BSPRY: variants seen among roughly 807,000 people sequenced by gnomAD.
BSPRY encodes the protein B-box and SPRY domain containing.
A neutral mutation model predicts 38.0 loss-of-function variants in BSPRY; 33 were observed. The observed-to-expected ratio is 0.87, with a 90% CI of 0.66 to 1.16. BSPRY has a LOEUF of 1.16. Ranked by LOEUF, BSPRY falls within the 50% of genes most tolerant of loss-of-function variation. BSPRY has a pLI of 0.00. For missense variants in BSPRY, 523 were observed against 533.2 expected (o/e 0.98, Z 0.19); for synonymous variants, 224 against 228.5 (o/e 0.98, Z 0.18).
At position 113,354,294 on chromosome 9, in the gene BSPRY, A is replaced by G. The variant is rs1416174342; in HGVS notation, c.256A>G (p.Lys86Glu). Residue 86 changes from lysine (K) to glutamate (E), a missense_variant, in exon 2 of 6, where the codon AAG becomes GAG. Physicochemically the swap from Lys to Glu is moderately conservative, Grantham distance 56. Transcript: ENST00000374183. ...RLQLQSAAITKYVADVLPGKN... is the reference protein window; with the variant it reads ...RLQLQSAAITEYVADVLPGKN... ...GCAGTTACAGAGTGCTGCCATCACC[A>G]AGTATGTGGCGGACGTCCTGCCGGG... 2.5e-6 allele frequency: 4 copies of G among 1,614,034 alleles called. No homozygotes were observed. In the African/African-American group the frequency reaches 4.0e-5, roughly 16 times the overall value.
chr9:113,360,766 C>A (rs1450211660), intron 3 of BSPRY, 29 bp downstream of exon 3: 5 of 1,519,512 alleles, frequency 3.3e-6, no homozygotes, highest in Non-Finnish European at 4.5e-6. Context: ...AGGGCATGAC[C>A]AGTTGGCCAG....
intron 4 of BSPRY, among the ~76,000 whole-genome samples, chr9:113,363,114 G>A (rs925727164): frequency 1.3e-5 from 2 of 151,914 alleles, no homozygotes; most frequent in Non-Finnish European, 2.9e-5. Flanking sequence ...ATGTGCATGA[G>A]AGAAAAAAAA....
At chr9:113,368,204 C>T in intron 4 of BSPRY, 55 bp from the exon 5 acceptor site, 2 of 1,599,368 alleles carry the variant, frequency 1.3e-6, no homozygotes, top group South Asian at 2.2e-5. Flanking sequence ...CATATTGATC[C>T]AGATATATTT....
At position 113,360,572 on chromosome 9, in the gene BSPRY, G is replaced by A; in HGVS notation, c.366G>A (p.Glu122=). Reference sequence around the variant, plus strand: ...TGAGTCTGGTGAGGAGTCTTTGCGAGAGCGAGGAGCAGCGGTTACTGGAAC... The same window carrying A: ...TGAGTCTGGTGAGGAGTCTTTGCGAAAGCGAGGAGCAGCGGTTACTGGAAC... ...QRLSLVRSLC[E]SEEQRLLEQV... The change falls in exon 3 of 6, where the codon GAG becomes GAA. Residue 122 remains glutamate (E), a synonymous_variant. Transcript: ENST00000374183. 1 of 1,608,636 alleles carries A rather than the reference G, an allele frequency of 6.2e-7. No homozygotes were observed. Among genetic ancestry groups the A allele is most frequent in the South Asian group, 1.1e-5 (1 of 89,616 alleles).
intron 2 of BSPRY, among the ~76,000 whole-genome samples, 199 bp from the exon 3 acceptor site, chr9:113,360,308 T>C (rs1356051222): frequency 6.6e-6 from 1 of 152,206 alleles, no homozygotes; most frequent in East Asian, 1.9e-4. Flanking sequence ...CTCAAATTTC[T>C]TTACCCTAAA....
chr9:113,369,339 T>G (rs1834302134), intron 5 of BSPRY, among the ~76,000 whole-genome samples: 1 of 152,240 alleles, frequency 6.6e-6, no homozygotes, highest in Admixed American at 6.5e-5. Flanking sequence ...GAGTTTACAG[T>G]TGAGGGTCTT....
intron 4 of BSPRY, among the ~76,000 whole-genome samples, chr9:113,363,646 C>T (rs7045901): frequency 0.39 from 59,015 of 151,210 alleles, 13,296 homozygotes; most frequent in African/African-American, 0.62. Flanking sequence ...TTTGGGAGGC[C>T]GAGGAAGGTG....
Position 113,362,394 on chromosome 9 carries a change from G to A in BSPRY, c.557G>A (p.Arg186Lys). Residue 186 changes from arginine (R) to lysine (K), a missense_variant and splice_region_variant, in exon 4 of 6, where the codon AGG becomes AAG. By Grantham distance (26) the Arg-to-Lys change is conservative. Coordinates refer to ENST00000374183, the MANE Select transcript of BSPRY (RefSeq NM_017688.3). The part of the protein sequence containing the change: ...LIQKEQEIFE[R>K]TEEAEGILDP... Reference sequence around the variant, plus strand: ...CAGAAGGAGCAAGAGATTTTCGAGAGGTGAGTATAGACCCCGTGATTTGAC... The same window carrying A: ...CAGAAGGAGCAAGAGATTTTCGAGAAGTGAGTATAGACCCCGTGATTTGAC... 1 of 1,614,100 alleles carries A rather than the reference G, an allele frequency of 6.2e-7. No homozygotes were observed. The highest frequency in any genetic ancestry group is 8.5e-7 in the Non-Finnish European group (1 of 1,180,010).
intron 4 of BSPRY, 51 bp downstream of exon 4, chr9:113,362,445 C>G (rs1193206984): frequency 1.3e-6 from 2 of 1,565,070 alleles, no homozygotes; most frequent in Admixed American, 1.7e-5. Flanking sequence ...ACCCTTAGAC[C>G]TCTTCACACT....
chr9:113,362,538 C>A, intron 4 of BSPRY, 144 bp downstream of exon 4: 2 of 819,426 alleles, frequency 2.4e-6, no homozygotes, highest in Non-Finnish European at 4.1e-6. Flanking sequence ...GCTCTGTGGA[C>A]AGGGAATGTC....
At chr9:113,367,241 G>A (rs1382117919) in intron 4 of BSPRY, among the ~76,000 whole-genome samples, 1 of 152,150 alleles carries the variant, frequency 6.6e-6, no homozygotes, top group Non-Finnish European at 1.5e-5. Context: ...CAAAGTTGAG[G>A]TATGATTCTG....
At chr9:113,367,840 T>TTA (rs1258101035) in intron 4 of BSPRY, among the ~76,000 whole-genome samples, 2 of 151,724 alleles carry the variant, frequency 1.3e-5, no homozygotes, top group African/African-American at 4.8e-5. Flanking sequence ...CACTCTTTTT[T>TTA]TTTTTTTTGA....
chr9:113,366,781 G>A (rs945236053), intron 4 of BSPRY, among the ~76,000 whole-genome samples: 5 of 152,194 alleles, frequency 3.3e-5, no homozygotes, highest in African/African-American at 1.2e-4. Flanking sequence ...TGTTACTAGA[G>A]CTTGCTCCCA....
intron 4 of BSPRY, among the ~76,000 whole-genome samples, chr9:113,365,919 C>T (rs930945429): frequency 6.6e-6 from 1 of 151,802 alleles, no homozygotes; most frequent in Admixed American, 6.6e-5. Context: ...ATTCTCCTGC[C>T]TCAGCCTGCC....
intron 1 of BSPRY, 127 bp downstream of exon 1, chr9:113,349,907 T>G: frequency 8.7e-7 from 1 of 1,154,178 alleles, no homozygotes; most frequent in Non-Finnish European, 1.1e-6. Context: ...CCTAGGCTCC[T>G]CGGTGGCTTT....
chr9:113,368,277 C>T lies in BSPRY; in HGVS notation c.576C>T (p.Gly192=), dbSNP rs1185021051. The T allele has an allele frequency of 3.1e-6, 5 of 1,614,124 alleles. No individual in the cohort carries two copies. Among genetic ancestry groups the T allele is most frequent in the Non-Finnish European group, 4.2e-6 (5 of 1,179,996 alleles). Reference sequence around the variant, plus strand: ...ATATAAGGACCGAAGAAGCAGAGGGCATTTTGGATCCCCAGGAGTCGGAAA... The same window carrying T: ...ATATAAGGACCGAAGAAGCAGAGGGTATTTTGGATCCCCAGGAGTCGGAAA... ...EIFERTEEAE[G]ILDPQESEML... The change falls in exon 5 of 6, where the codon GGC becomes GGT. Residue 192 remains glycine (G), a synonymous_variant. Coordinates refer to ENST00000374183, the MANE Select transcript of BSPRY (RefSeq NM_017688.3).
In BSPRY at chr9:113,360,581, G is replaced by A. The variant is rs770123180; in HGVS notation, c.375G>A (p.Glu125=). ...TGAGGAGTCTTTGCGAGAGCGAGGA[G>A]CAGCGGTTACTGGAACAGGTGCATG... ...SLVRSLCESE[E]QRLLEQVHGE... The change falls in exon 3 of 6, where the codon GAG becomes GAA. Residue 125 remains glutamate (E), a synonymous_variant. Coordinates refer to ENST00000374183, the MANE Select transcript of BSPRY (RefSeq NM_017688.3). 4 of 1,608,824 alleles carry A rather than the reference G, an allele frequency of 2.5e-6. No individual in the cohort carries two copies. The highest frequency in any genetic ancestry group is 2.7e-5 in the African/African-American group (2 of 74,872).
In BSPRY at chr9:113,361,798, C is replaced by T. The variant is rs996261101; in HGVS notation, c.532-571C>T. Reference sequence around the variant, plus strand: ...ACCATGATTCATATTTGGTACATAGCCTTTCAAAGTATTTTATATAGATAG... The same window carrying T: ...ACCATGATTCATATTTGGTACATAGTCTTTCAAAGTATTTTATATAGATAG... On this transcript the variant is annotated intron_variant, in intron 3 of 5. Transcript: ENST00000374183. Among the ~76,000 whole-genome samples the T allele has an allele frequency of 9.2e-5, 14 of 152,256 alleles. No individual in the cohort carries two copies. In the East Asian group the frequency reaches 1.9e-3, roughly 21 times the overall value.
intron 4 of BSPRY, among the ~76,000 whole-genome samples, chr9:113,363,778 T>C (rs914430170): frequency 6.9e-6 from 1 of 145,506 alleles, no homozygotes; most frequent in Non-Finnish European, 1.5e-5. Flanking sequence ...CTCAGGAGGC[T>C]GAGGCAGGAG....
Sources: allele counts gnomAD v4.1 joint callset (sites outside exome capture counted in the v4.1 genomes callset), GRCh38; gene constraint gnomAD v4.1.1; transcripts MANE v1.5; gene names NCBI Gene and HGNC (gene_info 2026-07-23, HGNC 2026-07-21).